Variants in KRTAP10-4 observed in about 807,000 individuals in gnomAD.
KRTAP10-4 encodes the protein keratin associated protein 10-4.
For missense variants in KRTAP10-4, 374 were observed against 507.6 expected (o/e 0.74, Z 2.53); for synonymous variants, 147 against 213.7 (o/e 0.69, Z 2.72).
At position 44,573,994 on chromosome 21, in the gene KRTAP10-4, C is replaced by T. The variant is rs1978301721; in HGVS notation, c.236C>T (p.Ser79Leu). The change falls in exon 1 of 1, where the codon TCA becomes TTA. Residue 79 changes from serine (S) to leucine (L), a missense_variant. Physicochemically the swap from Ser to Leu is moderately radical, Grantham distance 145 (BLOSUM62 -2). Transcript: ENST00000400374. ...PVTCEPSPCQ[S>L]GCTSSCTPSC... ...ACCTGTGAGCCCAGCCCCTGCCAAT[C>T]AGGCTGCACCAGCTCCTGCACGCCC... is the stretch of plus-strand genomic sequence containing the variant. 1 of 1,612,676 alleles carries T rather than the reference C, an allele frequency of 6.2e-7. No individual in the cohort carries two copies. The highest frequency in any genetic ancestry group is 8.5e-7 in the Non-Finnish European group (1 of 1,179,768).
Position 44,575,084 on chromosome 21 carries a change from CG to C in KRTAP10-4, c.*121del. 1 of 1,421,780 alleles carries C rather than the reference CG, an allele frequency of 7.0e-7. No individual in the cohort carries two copies. Among genetic ancestry groups the C allele is most frequent in the Admixed American group, 2.2e-5 (1 of 45,682 alleles). The allele number at this position is 1,421,780 out of a possible 1,614,324, so 88.1% of individuals were successfully genotyped here. On this transcript the variant is annotated 3_prime_UTR_variant, in exon 1 of 1. Coordinates refer to ENST00000400374, the MANE Select transcript of KRTAP10-4 (RefSeq NM_198687.2). ...GGTCCCACCTGAAAGCTGATAGTCGCGTCCTGAATTGCTCCTGCACTTTGAC... is the reference window on the plus strand; with the variant it reads ...GGTCCCACCTGAAAGCTGATAGTCGCTCCTGAATTGCTCCTGCACTTTGAC...
rs782016135 is a variant in KRTAP10-4 at position 44,574,429 on chromosome 21, G to C, written c.671G>C (p.Cys224Ser). The change falls in exon 1 of 1, where the codon TGC (cysteine) becomes TCC (serine). Residue 224 changes from cysteine to serine, a missense_variant. Coordinates refer to ENST00000400374, the MANE Select transcript of KRTAP10-4 (RefSeq NM_198687.2). ...CQPACCTSSS[C>S]QQACCVPVCC... The stretch of plus-strand genomic sequence containing the variant: ...CCGGCTTGCTGCACCTCCTCCTCCT[G>C]CCAGCAGGCCTGCTGCGTGCCCGTC... The C allele has an allele frequency of 1.2e-6, 2 of 1,602,226 alleles. No homozygotes were observed. The highest frequency in any genetic ancestry group is 1.4e-5 in the African/African-American group (1 of 73,232).
In KRTAP10-4 at chr21:44,574,842, T is replaced by G. The variant is rs1180547213; in HGVS notation, c.1084T>G (p.Ser362Ala). Reference sequence around the variant, plus strand: ...CTGCTGCAGACCCTCCTCCTCCGTGTCCCTCCTCTGCCGCCCCGTGTGCAG... The same window carrying G: ...CTGCTGCAGACCCTCCTCCTCCGTGGCCCTCCTCTGCCGCCCCGTGTGCAG... ...TSCCRPSSSV[S>A]LLCRPVCRPA... Residue 362 changes from serine to alanine, a missense_variant, in exon 1 of 1, where the codon TCC becomes GCC. Ser to Ala is a moderately conservative substitution (Grantham distance 99). Coordinates refer to ENST00000400374, the MANE Select transcript of KRTAP10-4 (RefSeq NM_198687.2). The G allele has an allele frequency of 4.3e-6, 7 of 1,613,630 alleles. No homozygotes were observed. The highest frequency in any genetic ancestry group is 5.9e-6 in the Non-Finnish European group (7 of 1,179,894).
chr21:44,574,488 T>C lies in KRTAP10-4; in HGVS notation c.730T>C (p.Ser244Pro), dbSNP rs782335154. The change falls in exon 1 of 1, where the codon TCT becomes CCT. Residue 244 changes from serine to proline, a missense_variant. Ser to Pro is a moderately conservative substitution (Grantham distance 74). Coordinates refer to ENST00000400374, the MANE Select transcript of KRTAP10-4 (RefSeq NM_198687.2). ...CKTVCCKPVCSEDSSSCCQQS... is the reference protein window; with the variant it reads ...CKTVCCKPVCPEDSSSCCQQS... ...GACTGTCTGCTGCAAGCCTGTGTGC[T>C]CTGAGGATTCCTCTTCATGCTGCCA... The C allele has an allele frequency of 6.2e-7, 1 of 1,610,696 alleles. No homozygotes were observed. Among genetic ancestry groups the C allele is most frequent in the Non-Finnish European group, 8.5e-7 (1 of 1,179,436 alleles).
At position 44,574,568 on chromosome 21, in the gene KRTAP10-4, C is replaced by T; in HGVS notation, c.810C>T (p.Cys270=). The T allele has an allele frequency of 6.2e-7, 1 of 1,606,206 alleles. No individual in the cohort carries two copies. Among genetic ancestry groups the T allele is most frequent in the East Asian group, 2.3e-5 (1 of 44,364 alleles). Residue 270 remains cysteine, a synonymous_variant, in exon 1 of 1, where the codon TGC becomes TGT. Coordinates refer to ENST00000400374, the MANE Select transcript of KRTAP10-4 (RefSeq NM_198687.2). The stretch of plus-strand genomic sequence containing the variant: ...CCTCCTCTCCCTGCCAGCAGGCTTG[C>T]TGTGTGCCTGTCTGCTGCAAGCCTG... ...CCTSSPCQQA[C]CVPVCCKPVC... is the part of the protein sequence containing the mutation.
Position 44,575,212 on chromosome 21 carries a change from T to G in KRTAP10-4, c.*248T>G. On this transcript the variant is annotated 3_prime_UTR_variant, in exon 1 of 1. Transcript: ENST00000400374. ...GGGGGAGGGGGGCGCTTCTAGAAAG[T>G]TCCCATGGCAGTGGCCTCCCCTCCA... is the stretch of plus-strand genomic sequence containing the variant. 1.6e-6 allele frequency: 1 copy of G among 639,854 alleles called. No homozygotes were observed. Among genetic ancestry groups the G allele is most frequent in the Non-Finnish European group, 2.7e-6 (1 of 366,456 alleles). The allele number at this position is 639,854 out of a possible 1,614,324, so 39.6% of individuals were successfully genotyped here.
chr21:44,574,451 CGTCTGCTGCAAGACT>C lies in KRTAP10-4; in HGVS notation c.706_720del (p.Thr236_Lys240del), dbSNP rs782744566. On this transcript the variant is annotated inframe_deletion, in exon 1 of 1. Coordinates refer to ENST00000400374, the MANE Select transcript of KRTAP10-4 (RefSeq NM_198687.2). ...CCTGCCAGCAGGCCTGCTGCGTGCC[CGTCTGCTGCAAGACT>C]GTCTGCTGCAAGCCTGTGTGCTCTG... The C allele has an allele frequency of 8.6e-5, 138 of 1,599,308 alleles. 1 individual carries two copies. In the African/African-American group the frequency reaches 1.4e-3, roughly 16 times the overall value.
In KRTAP10-4 at chr21:44,574,761, G is replaced by T; in HGVS notation, c.1003G>T (p.Ala335Ser). ...PVSCVPVCSGASSSCCQQSSC... is the reference protein window; with the variant it reads ...PVSCVPVCSGSSSSCCQQSSC... Reference sequence around the variant, plus strand: ...GAGCTGTGTGCCTGTTTGCTCTGGGGCTTCCTCTTCATGCTGCCAGCAATC... The same window carrying T: ...GAGCTGTGTGCCTGTTTGCTCTGGGTCTTCCTCTTCATGCTGCCAGCAATC... The change falls in exon 1 of 1, where the codon GCT (alanine) becomes TCT (serine). Residue 335 changes from alanine (A) to serine (S), a missense_variant. Physicochemically the swap from Ala to Ser is moderately conservative, Grantham distance 99. Transcript: ENST00000400374. 1 of 1,613,702 alleles carries T rather than the reference G, an allele frequency of 6.2e-7. No homozygotes were observed. Among genetic ancestry groups the T allele is most frequent in the African/African-American group, 1.3e-5 (1 of 74,896 alleles).
rs587608283 is a variant in KRTAP10-4 at position 44,574,260 on chromosome 21, A to C, written c.502A>C (p.Ile168Leu). The C allele has an allele frequency of 9.0e-6, 14 of 1,560,164 alleles. No homozygotes were observed. In the African/African-American group the frequency reaches 1.0e-4, roughly 11 times the overall value. The change falls in exon 1 of 1, where the codon ATT (isoleucine) becomes CTT (leucine). Residue 168 changes from isoleucine to leucine, a missense_variant. Coordinates refer to ENST00000400374, the MANE Select transcript of KRTAP10-4 (RefSeq NM_198687.2). Reference protein sequence around the residue: ...PICCKPVCSGISSSCCQQSSC... With the variant: ...PICCKPVCSGLSSSCCQQSSC... ...CTGCTGCAAGCCTGTCTGCTCTGGGATTTCCTCTTCGTGCTGCCAGCAGTC... is the reference window on the plus strand; with the variant it reads ...CTGCTGCAAGCCTGTCTGCTCTGGGCTTTCCTCTTCGTGCTGCCAGCAGTC...
At position 44,574,575 on chromosome 21, in the gene KRTAP10-4, C is replaced by T. The variant is rs782435577; in HGVS notation, c.817C>T (p.Pro273Ser). The T allele has an allele frequency of 7.6e-7, 1 of 1,309,970 alleles. No individual in the cohort carries two copies. The highest frequency in any genetic ancestry group is 1.0e-6 in the Non-Finnish European group (1 of 981,324). The allele number at this position is 1,309,970 out of a possible 1,614,324, so 81.1% of individuals were successfully genotyped here. The change falls in exon 1 of 1, where the codon CCT becomes TCT. Residue 273 changes from proline to serine, a missense_variant. Pro to Ser is a moderately conservative substitution (Grantham distance 74). Transcript: ENST00000400374. The part of the protein sequence containing the change: ...SSPCQQACCV[P>S]VCCKPVCCKP... ...TCCCTGCCAGCAGGCTTGCTGTGTGCCTGTCTGCTGCAAGCCTGTGTGCTG... is the reference window on the plus strand; with the variant it reads ...TCCCTGCCAGCAGGCTTGCTGTGTGTCTGTCTGCTGCAAGCCTGTGTGCTG...
In KRTAP10-4 at chr21:44,574,813, C is replaced by G; in HGVS notation, c.1055C>G (p.Thr352Ser). The change falls in exon 1 of 1, where the codon ACC becomes AGC. Residue 352 changes from threonine (T) to serine (S), a missense_variant. Coordinates refer to ENST00000400374, the MANE Select transcript of KRTAP10-4 (RefSeq NM_198687.2). The stretch of plus-strand genomic sequence containing the variant: ...AGCTGCCAGCCAGCTTGCTGCACCA[C>G]CTCCTGCTGCAGACCCTCCTCCTCC... ...QSSCQPACCT[T>S]SCCRPSSSVS... The G allele has an allele frequency of 6.2e-7, 1 of 1,614,130 alleles. No homozygotes were observed.
In KRTAP10-4 at chr21:44,574,048, T is replaced by G; in HGVS notation, c.290T>G (p.Leu97Arg). Residue 97 changes from leucine (L) to arginine (R), a missense_variant, in exon 1 of 1, where the codon CTG becomes CGG. Coordinates refer to ENST00000400374, the MANE Select transcript of KRTAP10-4 (RefSeq NM_198687.2). ...TGCTGCCAGCAGTCTAGCTGCCAGC[T>G]GGCTTGCTGTGCCTCCTCCCCCTGC... ...PSCCQQSSCQ[L>R]ACCASSPCQQ... 6.3e-7 allele frequency: 1 copy of G among 1,597,954 alleles called. No individual in the cohort carries two copies. The highest frequency in any genetic ancestry group is 8.5e-7 in the Non-Finnish European group (1 of 1,172,870).
In KRTAP10-4 at chr21:44,573,757, C is replaced by T; in HGVS notation, c.-2C>T. 4 of 1,613,282 alleles carry T rather than the reference C, an allele frequency of 2.5e-6. No homozygotes were observed. Among genetic ancestry groups the T allele is most frequent in the African/African-American group, 2.7e-5 (2 of 75,016 alleles). Reference sequence around the variant, plus strand: ...TCAACCCCCAGCACAGCAGCATCCACCATGTCCGTCTGCTCCAGCGACCTG... The same window carrying T: ...TCAACCCCCAGCACAGCAGCATCCATCATGTCCGTCTGCTCCAGCGACCTG... On this transcript the variant is annotated 5_prime_UTR_variant, in exon 1 of 1. Coordinates refer to ENST00000400374, the MANE Select transcript of KRTAP10-4 (RefSeq NM_198687.2).
the KRTAP10-4 span, chr21:44,574,461 A>T: frequency 6.3e-7 from 1 of 1,596,020 alleles, no homozygotes; most frequent in Non-Finnish European, 8.5e-7. Flanking sequence ...CGTCTGCTGC[A>T]AGACTGTCTG....
In KRTAP10-4 at chr21:44,574,153, A is replaced by G. The variant is rs1484295699; in HGVS notation, c.395A>G (p.Asp132Gly). ...TGCTGTGTGCCCGTCTGCTGTGGGGATTCTTCATGCTGCCAGCAGTCTAGC... is the reference window on the plus strand; with the variant it reads ...TGCTGTGTGCCCGTCTGCTGTGGGGGTTCTTCATGCTGCCAGCAGTCTAGC... ...PVCCVPVCCG[D>G]SSCCQQSSCQ... The change falls in exon 1 of 1, where the codon GAT becomes GGT. Residue 132 changes from aspartate to glycine, a missense_variant. Physicochemically the swap from Asp to Gly is moderately conservative, Grantham distance 94 (BLOSUM62 -1). Coordinates refer to ENST00000400374, the MANE Select transcript of KRTAP10-4 (RefSeq NM_198687.2). 1 of 1,580,878 alleles carries G rather than the reference A, an allele frequency of 6.3e-7. No homozygotes were observed. The highest frequency in any genetic ancestry group is 8.6e-7 in the Non-Finnish European group (1 of 1,164,978).
At position 44,574,835 on chromosome 21, in the gene KRTAP10-4, C is replaced by T. The variant is rs782744259; in HGVS notation, c.1077C>T (p.Ser359=). 3 of 1,614,162 alleles carry T rather than the reference C, an allele frequency of 1.9e-6. No individual in the cohort carries two copies. The highest frequency in any genetic ancestry group is 2.7e-5 in the African/African-American group (2 of 75,040). The change falls in exon 1 of 1, where the codon TCC becomes TCT. Residue 359 remains serine, a synonymous_variant. Coordinates refer to ENST00000400374, the MANE Select transcript of KRTAP10-4 (RefSeq NM_198687.2). ...CCACCTCCTGCTGCAGACCCTCCTC[C>T]TCCGTGTCCCTCCTCTGCCGCCCCG... The part of the protein sequence containing the change: ...CCTTSCCRPS[S]SVSLLCRPVC...
chr21:44,575,328 C>T lies in KRTAP10-4; in HGVS notation c.*364C>T. 2.6e-6 allele frequency: 1 copy of T among 379,894 alleles called. No homozygotes were observed. The highest frequency in any genetic ancestry group is 5.0e-6 in the Non-Finnish European group (1 of 198,758). The allele number at this position is 379,894 out of a possible 1,614,324, so 23.5% of individuals were successfully genotyped here. On this transcript the variant is annotated 3_prime_UTR_variant, in exon 1 of 1. Transcript: ENST00000400374. ...GAGCCGCAGAGCCTTCTTTGGACGC[C>T]CTCAAGCTGACCAATAAAGGCCCTG...
In KRTAP10-4 at chr21:44,574,021, C is replaced by G. The variant is rs1555923185; in HGVS notation, c.263C>G (p.Ser88Trp). 1.3e-5 allele frequency: 21 copies of G among 1,613,474 alleles called. No homozygotes were observed. The highest frequency in any genetic ancestry group is 1.8e-5 in the Non-Finnish European group (21 of 1,179,950). Residue 88 changes from serine (S) to tryptophan (W), a missense_variant, in exon 1 of 1, where the codon TCG becomes TGG. Coordinates refer to ENST00000400374, the MANE Select transcript of KRTAP10-4 (RefSeq NM_198687.2). ...GGCTGCACCAGCTCCTGCACGCCCT[C>G]GTGCTGCCAGCAGTCTAGCTGCCAG... Reference protein sequence around the residue: ...QSGCTSSCTPSCCQQSSCQLA... With the variant: ...QSGCTSSCTPWCCQQSSCQLA...
chr21:44,574,137 CCCGTCTGCTG>C, the KRTAP10-4 span: 1 of 1,372,146 alleles, frequency 7.3e-7, no homozygotes, highest in African/African-American at 1.5e-5. Flanking sequence ...GTGCTGTGTG[CCCGTCTGCTG>C]TGGGGATTCT....
Sources: gnomAD v4.1 joint callset for allele counts on GRCh38, gnomAD v4.1.1 for gene constraint, MANE v1.5 for transcripts, NCBI Gene and HGNC (gene_info 2026-07-23, HGNC 2026-07-21) for gene names.